HIPK2: variants seen among roughly 807,000 people sequenced by gnomAD.
HIPK2 encodes the protein homeodomain interacting protein kinase 2.
HIPK2 carries 27 observed loss-of-function variants against 113.7 expected under a neutral mutation model. The ratio of observed to expected loss-of-function variants is 0.24; its 90% CI spans 0.17 to 0.33. The LOEUF is 0.33. Among genes scored for constraint, HIPK2 ranks in the 10% least tolerant of loss-of-function variants. HIPK2 has a pLI of 1.00. For synonymous variants in HIPK2, 631 were observed against 642.2 expected, an observed-to-expected ratio of 0.98 and a Z score of 0.26; for missense variants, 1,257 against 1,588.0, an observed-to-expected ratio of 0.79 and a Z score of 3.54.
intron 12 of HIPK2, among the ~76,000 whole-genome samples, chr7:139,592,622 T>A (rs917061158): frequency 1.3e-5 from 2 of 152,194 alleles, no homozygotes; most frequent in Non-Finnish European, 2.9e-5. Flanking sequence ...AAAGGTTGTA[T>A]GCTACAGCCT....
rs1224024476 is a variant in HIPK2, at chr7:139,583,766, GA to G, written c.2965+50del. The G allele has an allele frequency of 3.2e-6, 5 of 1,578,920 alleles. No homozygotes were observed. The African/African-American group carries it at 6.7e-5, about 21-fold the overall frequency. On this transcript the variant is annotated intron_variant, in intron 13 of 14. Transcript: ENST00000406875. Reference sequence around the variant, plus strand: ...AACATTTCTAGCAGCAGAAAAGCAGGAAAACCACTCTCCAGGGAGAGGTTCC... The same window carrying G: ...AACATTTCTAGCAGCAGAAAAGCAGGAAACCACTCTCCAGGGAGAGGTTCC...
At chr7:139,769,146 G>T (rs1284175808) in intron 1 of HIPK2, among the ~76,000 whole-genome samples, 1 of 152,134 alleles carries the variant, frequency 6.6e-6, no homozygotes, top group Non-Finnish European at 1.5e-5. Context: ...AAAGCAAAAA[G>T]AAACCAACAT....
chr7:139,717,768 G>A (rs187259212), intron 1 of HIPK2, among the ~76,000 whole-genome samples: 14 of 151,780 alleles, frequency 9.2e-5, no homozygotes, highest in Admixed American at 1.3e-4. Context: ...TTTTGAGACC[G>A]AGTCTCGCTC....
At chr7:139,738,100 G>A (rs1795989855) in intron 1 of HIPK2, among the ~76,000 whole-genome samples, 3 of 152,356 alleles carry the variant, frequency 2.0e-5, no homozygotes, top group South Asian at 4.1e-4. Context: ...TTTTATACAT[G>A]TTCCCTGAGT....
chr7:139,730,448 C>T (rs530078925), intron 1 of HIPK2, among the ~76,000 whole-genome samples: 2 of 150,846 alleles, frequency 1.3e-5, no homozygotes, highest in South Asian at 4.2e-4. Context: ...GCAACCTCCA[C>T]CTCCCAGGTT....
At position 139,751,590 on chromosome 7, in the gene HIPK2, A is replaced by AGATGGATG. The variant is rs36202472; in HGVS notation, c.19+26007_19+26014dup. ...TGGATGGATGGATGGTTGGATGGAT[A>AGATGGATG]GATGGATGGATGGATGGATGGATGG... On this transcript the variant is annotated intron_variant, in intron 1 of 14. Coordinates refer to ENST00000406875, the MANE Select transcript of HIPK2 (RefSeq NM_022740.5). 2.1e-3 allele frequency among the ~76,000 whole-genome samples: 305 copies of AGATGGATG among 146,020 alleles called. 5 individuals carry two copies. The East Asian group carries it at 0.025, about 12-fold the overall frequency.
rs140991523 is a variant in HIPK2, at chr7:139,659,068, T to C, written c.1104-27343A>G. On this transcript the variant is annotated intron_variant, in intron 2 of 14. Transcript: ENST00000406875. ...ATTTCTCGCTGAGGCCGACGGCATG[T>C]GGTATTGGCATTGGCTGACCAAAAA... Among the ~76,000 whole-genome samples the C allele has an allele frequency of 7.9e-5, 12 of 152,298 alleles. No individual in the cohort carries two copies. In the East Asian group the frequency reaches 2.3e-3, roughly 29 times the overall value.
intron 12 of HIPK2, among the ~76,000 whole-genome samples, chr7:139,587,928 G>A (rs984837983): frequency 1.3e-5 from 2 of 152,078 alleles, no homozygotes; most frequent in African/African-American, 2.4e-5. Flanking sequence ...GCTGACACCT[G>A]TAATTAGCAC....
At chr7:139,609,872 A>T (rs1381834473) in intron 9 of HIPK2, among the ~76,000 whole-genome samples, 1 of 152,258 alleles carries the variant, frequency 6.6e-6, no homozygotes, top group African/African-American at 2.4e-5. Flanking sequence ...ACAAAGGTCT[A>T]CCATGTTCTT....
chr7:139,641,136 A>G (rs1360312050), intron 2 of HIPK2, among the ~76,000 whole-genome samples: 3 of 152,126 alleles, frequency 2.0e-5, no homozygotes, highest in Admixed American at 6.5e-5. Flanking sequence ...AGGCCGAGGT[A>G]GGTGGATCAC....
rs1798074045 is a variant in HIPK2 at position 139,565,793 on chromosome 7, T to C, written c.*7134A>G. ...CCACATATGGTATTTACAAATTTGGTGTGAACCCTGCCTCTGGTTCTGCCC... is the reference window on the plus strand; with the variant it reads ...CCACATATGGTATTTACAAATTTGGCGTGAACCCTGCCTCTGGTTCTGCCC... On this transcript the variant is annotated 3_prime_UTR_variant, in exon 15 of 15. Transcript: ENST00000406875. The C allele has an allele frequency of 6.6e-6, 1 of 151,698 alleles. No individual in the cohort carries two copies. Among genetic ancestry groups the C allele is most frequent in the Non-Finnish European group, 1.5e-5 (1 of 67,958 alleles). The allele number at this position is 151,698 out of a possible 1,614,324, so 9.4% of individuals were successfully genotyped here.
intron 11 of HIPK2, among the ~76,000 whole-genome samples, chr7:139,597,247 C>A (rs148163789): frequency 1.3e-5 from 2 of 152,156 alleles, no homozygotes; most frequent in African/African-American, 2.4e-5. Context: ...CCAGGGCTTT[C>A]GGAGCAGGGA....
chr7:139,705,382 C>CTT (rs1452229620), intron 2 of HIPK2, among the ~76,000 whole-genome samples: 3 of 146,910 alleles, frequency 2.0e-5, no homozygotes, highest in African/African-American at 5.0e-5. Flanking sequence ...TAGTTTCCCC[C>CTT]TTTTTTTTTT....
intron 2 of HIPK2, among the ~76,000 whole-genome samples, chr7:139,661,513 C>T (rs1188185126): frequency 6.6e-6 from 1 of 152,136 alleles, no homozygotes; most frequent in Non-Finnish European, 1.5e-5. Flanking sequence ...TGAAACATAT[C>T]CCCAGATCCT....
chr7:139,648,836 T>C (rs1013110480), intron 2 of HIPK2, among the ~76,000 whole-genome samples: 2 of 151,450 alleles, frequency 1.3e-5, no homozygotes, highest in Non-Finnish European at 2.9e-5. Context: ...TGTGGACAAA[T>C]ATTTGTGTAG....
At chr7:139,671,429 T>C (rs1483631555) in intron 2 of HIPK2, among the ~76,000 whole-genome samples, 1 of 152,226 alleles carries the variant, frequency 6.6e-6, no homozygotes, top group Non-Finnish European at 1.5e-5. Context: ...CCTGCACCTA[T>C]CTTTACATGA....
At chr7:139,726,366 G>A (rs929571423) in intron 1 of HIPK2, among the ~76,000 whole-genome samples, 3 of 152,116 alleles carry the variant, frequency 2.0e-5, no homozygotes, top group Admixed American at 6.5e-5. Context: ...GAGAAAAGGT[G>A]AGACATGCTG....
At position 139,572,794 on chromosome 7, in the gene HIPK2, T is replaced by G; in HGVS notation, c.*133A>C. The G allele has an allele frequency of 6.2e-5, 3 of 48,470 alleles. No homozygotes were observed. Among genetic ancestry groups the G allele is most frequent in the Non-Finnish European group, 1.3e-4 (3 of 22,744 alleles). The allele number at this position is 48,470 out of a possible 1,614,324, so 3.0% of individuals were successfully genotyped here. On this transcript the variant is annotated 3_prime_UTR_variant, in exon 15 of 15. Coordinates refer to ENST00000406875, the MANE Select transcript of HIPK2 (RefSeq NM_022740.5). ...CCCCCCCCCCCCCGCCCCTGCCCCGTTTGCATTGTTTGTGTGCGGCATCTT... is the reference window on the plus strand; with the variant it reads ...CCCCCCCCCCCCCGCCCCTGCCCCGGTTGCATTGTTTGTGTGCGGCATCTT...
At chr7:139,763,725 A>G (rs1464356923) in intron 1 of HIPK2, among the ~76,000 whole-genome samples, 1 of 152,100 alleles carries the variant, frequency 6.6e-6, no homozygotes, top group South Asian at 2.1e-4. Context: ...AAATTCACCT[A>G]CTCACTAAAA....
Sources: gnomAD v4.1 joint callset for allele counts (sites outside exome capture counted in the v4.1 genomes callset) on GRCh38, gnomAD v4.1.1 for gene constraint, MANE v1.5 for transcripts, NCBI Gene and HGNC (gene_info 2026-07-23, HGNC 2026-07-21) for gene names.